Variants in STK3 observed in about 807,000 individuals in gnomAD.
STK3 encodes serine/threonine kinase 3.
In STK3, 41 loss-of-function variants were observed where a neutral mutation model predicts 58.0. The ratio of observed to expected loss-of-function variants is 0.71; its 90% CI spans 0.55 to 0.92. The LOEUF (loss-of-function observed/expected upper bound fraction) is 0.92. Ranked by LOEUF, STK3 falls within the 40% of genes least tolerant of loss-of-function variation. STK3 has a pLI of 0.00. For missense variants in STK3, 479 were observed against 602.7 expected (o/e 0.79, Z 2.15); for synonymous variants, 170 against 191.0 (o/e 0.89, Z 0.91).
At chr8:98,831,385 C>T (rs1431550949) in intron 3 of STK3, among the ~76,000 whole-genome samples, 1 of 152,014 alleles carries the variant, frequency 6.6e-6, no homozygotes, top group African/African-American at 2.4e-5. Flanking sequence ...CCCAAGTAGC[C>T]GGGACTATAG....
At chr8:98,535,790 C>A (rs1809707852) in intron 9 of STK3, among the ~76,000 whole-genome samples, 1 of 152,110 alleles carries the variant, frequency 6.6e-6, no homozygotes, top group Non-Finnish European at 1.5e-5. Flanking sequence ...AATAAAATCT[C>A]AGAAGTTGCT....
intron 6 of STK3, among the ~76,000 whole-genome samples, chr8:98,625,940 C>T (rs1348804894): frequency 6.6e-6 from 1 of 152,152 alleles, no homozygotes; most frequent in Non-Finnish European, 1.5e-5. Flanking sequence ...AAGCAATCTA[C>T]CCTACTATAA....
At chr8:98,706,701 T>A in intron 5 of STK3, 67 bp from the exon 6 acceptor site, 1 of 1,420,420 alleles carries the variant, frequency 7.0e-7, no homozygotes, top group Admixed American at 2.6e-5. Flanking sequence ...ATGCCAAACA[T>A]ACTTTTAAAA....
chr8:98,898,119 G>C (rs1386591561), intron 1 of STK3, among the ~76,000 whole-genome samples: 1 of 152,226 alleles, frequency 6.6e-6, no homozygotes, highest in African/African-American at 2.4e-5. Context: ...CAGATTACCA[G>C]GTTGCCTGTG....
intron 1 of STK3, among the ~76,000 whole-genome samples, chr8:98,820,117 T>A (rs1398821628): frequency 6.6e-6 from 1 of 152,188 alleles, no homozygotes; most frequent in Non-Finnish European, 1.5e-5. Context: ...TGATGGGTAA[T>A]CCATCCAAAC....
chr8:98,557,041 G>A (rs1001399752), intron 8 of STK3, among the ~76,000 whole-genome samples: 1 of 152,062 alleles, frequency 6.6e-6, no homozygotes, highest in Non-Finnish European at 1.5e-5. Flanking sequence ...TTGACCATAT[G>A]ATCAAGGAAA....
At chr8:98,386,701 C>T (rs1012490973) in intron 1 of STK3, among the ~76,000 whole-genome samples, 2 of 152,130 alleles carry the variant, frequency 1.3e-5, no homozygotes, top group Admixed American at 6.5e-5. Context: ...TAAATGCCAG[C>T]GGGCATGGTG....
intron 6 of STK3, among the ~76,000 whole-genome samples, chr8:98,620,686 G>A (rs1030166045): frequency 2.0e-5 from 3 of 151,216 alleles, no homozygotes; most frequent in Non-Finnish European, 3.0e-5. Context: ...AAATAATAAA[G>A]AGTAGAAATC....
intron 6 of STK3, among the ~76,000 whole-genome samples, chr8:98,605,522 C>T (rs906485603): frequency 9.2e-5 from 14 of 151,370 alleles, no homozygotes; most frequent in Admixed American, 6.6e-4. Context: ...CTGCAACATC[C>T]GCCTGCCCAT....
rs150504821 is a variant in STK3 at position 98,402,772 on chromosome 8, G to A, written n.484-1259C>T. On this transcript the variant is annotated intron_variant and non_coding_transcript_variant, in intron 3 of 3. Coordinates refer to the STK3 transcript ENST00000517832. ...AGCCCTAGAAGAGACTCTGCCAGGT[G>A]GTACTTGCCCTTCCCTGGGGAGGAG... 5.6e-3 allele frequency among the ~76,000 whole-genome samples: 859 copies of A among 152,322 alleles called. 3 individuals are homozygous for A. The highest frequency in any genetic ancestry group is 9.9e-3 in the Non-Finnish European group (676 of 68,022).
rs1377982463 is a variant in STK3, at chr8:98,538,912, T to A, written c.1141+9057A>T. ...AGCCACACCTTACCTGGATTCCTCG[T>A]ACTTTTGTAAAGGAAAATGAATGAT... On this transcript the variant is annotated intron_variant, in intron 9 of 10. Coordinates refer to ENST00000419617, the MANE Select transcript of STK3 (RefSeq NM_006281.4). 2.0e-5 allele frequency among the ~76,000 whole-genome samples: 3 copies of A among 152,348 alleles called. No individual in the cohort carries two copies. The East Asian group carries it at 5.8e-4, about 29-fold the overall frequency.
chr8:98,705,676 T>C (rs894937112), intron 6 of STK3, among the ~76,000 whole-genome samples: 3 of 152,100 alleles, frequency 2.0e-5, no homozygotes, highest in African/African-American at 7.2e-5. Flanking sequence ...AATACACACA[T>C]ACATACACTC....
intron 1 of STK3, among the ~76,000 whole-genome samples, chr8:98,383,838 C>G (rs774058642): frequency 6.6e-6 from 1 of 152,182 alleles, no homozygotes; most frequent in African/African-American, 2.4e-5. Context: ...CAGATATTCC[C>G]AAGGATGTAC....
At chr8:98,418,510 G>A (rs1818136817) in intron 3 of STK3, among the ~76,000 whole-genome samples, 1 of 152,190 alleles carries the variant, frequency 6.6e-6, no homozygotes, top group Non-Finnish European at 1.5e-5. Context: ...GGATGGGTAG[G>A]TGGGTGGGCA....
intron 1 of STK3, among the ~76,000 whole-genome samples, chr8:98,902,008 G>A (rs1470957229): frequency 6.6e-6 from 1 of 152,144 alleles, no homozygotes; most frequent in Non-Finnish European, 1.5e-5. Flanking sequence ...GAAGTCTCCA[G>A]AAACATTCCA....
intron 4 of STK3, chr8:98,721,076 G>A (rs1295505698): frequency 1.0e-6 from 1 of 984,414 alleles, no homozygotes; most frequent in Non-Finnish European, 1.2e-6. Context: ...ACACTCACCT[G>A]GCCAATAATT....
chr8:98,654,038 A>T (rs1821233134), intron 6 of STK3, among the ~76,000 whole-genome samples: 1 of 152,208 alleles, frequency 6.6e-6, no homozygotes, highest in African/African-American at 2.4e-5. Context: ...CAAAAAAGAG[A>T]ATTTTAGACC....
chr8:98,729,296 G>C (rs1053353463), intron 4 of STK3, among the ~76,000 whole-genome samples: 5 of 152,082 alleles, frequency 3.3e-5, no homozygotes, highest in Non-Finnish European at 7.4e-5. Flanking sequence ...TTTTAGTAGA[G>C]ACGGGGTTTC....
At chr8:98,781,053 T>C (rs1052329310) in intron 1 of STK3, among the ~76,000 whole-genome samples, 2 of 152,194 alleles carry the variant, frequency 1.3e-5, no homozygotes, top group Non-Finnish European at 2.9e-5. Context: ...CAGCTGCAAA[T>C]AGCTACAAAA....
Sources: allele counts gnomAD v4.1 joint callset (sites outside exome capture counted in the v4.1 genomes callset), GRCh38; gene constraint gnomAD v4.1.1; transcripts MANE v1.5; gene names NCBI Gene and HGNC (gene_info 2026-07-23, HGNC 2026-07-21).